Variants in CTTNBP2 observed in about 807,000 individuals in gnomAD.
CTTNBP2 encodes cortactin binding protein 2.
CTTNBP2 carries 108 observed loss-of-function variants against 156.9 expected under a neutral mutation model. The ratio of observed to expected loss-of-function variants is 0.69; its 90% CI spans 0.59 to 0.81. CTTNBP2 has a LOEUF of 0.81. CTTNBP2 is among the 30% of genes least tolerant of loss of function. CTTNBP2 has a pLI of 0.00. For synonymous variants in CTTNBP2, 767 were observed against 751.8 expected, an observed-to-expected ratio of 1.02 and a Z score of -0.33; for missense variants, 1,924 against 2,035.4, an observed-to-expected ratio of 0.95 and a Z score of 1.05.
chr7:117,797,815 T>C (rs1045106975), intron 3 of CTTNBP2, among the ~76,000 whole-genome samples: 1 of 152,078 alleles, frequency 6.6e-6, no homozygotes, highest in South Asian at 2.1e-4. Context: ...TCTAGGGCAA[T>C]ACAAACTGGT....
At position 117,817,377 on chromosome 7, in the gene CTTNBP2, T is replaced by A. The variant is rs1312573302; in HGVS notation, c.190-6388A>T. On this transcript the variant is annotated intron_variant, in intron 2 of 22. Transcript: ENST00000160373. ...AAAAAAAAAAATATATATATATATA[T>A]ATATATATATAATTTCATCAGAATG... Among the ~76,000 whole-genome samples, 75 of 118,052 alleles carry A rather than the reference T, an allele frequency of 6.4e-4. 5 individuals are homozygous for A. Among genetic ancestry groups the A allele is most frequent in the African/African-American group, 2.1e-3 (71 of 33,536 alleles). 77.4% of individuals were successfully genotyped at this position (118,052 alleles called of 152,430 possible).
At chr7:117,732,827 A>G (rs1479121513) in intron 16 of CTTNBP2, among the ~76,000 whole-genome samples, 2 of 152,132 alleles carry the variant, frequency 1.3e-5, no homozygotes, top group Non-Finnish European at 2.9e-5. Flanking sequence ...AAACAAAAAA[A>G]TGATTCTGTG....
chr7:117,772,057 G>T (rs927763583), intron 8 of CTTNBP2, among the ~76,000 whole-genome samples: 6 of 152,208 alleles, frequency 3.9e-5, no homozygotes, highest in African/African-American at 1.4e-4. Flanking sequence ...ACCAAGGCCA[G>T]ATCAGGAAGG....
In CTTNBP2 at chr7:117,767,092, T is replaced by G; in HGVS notation, c.2863A>C (p.Thr955Pro). ...TCCAGCAAATGCTTGCAGTCATCAG[T>G]GGCAACATCATGCACAGTCCGATTG... is the stretch of plus-strand genomic sequence containing the variant. ...KCNRTVHDVA[T>P]DDCKHLLENL... The change falls in exon 9 of 23, where the codon ACT (threonine) becomes CCT (proline). Residue 955 changes from threonine (T) to proline (P), a missense_variant. By Grantham distance (38) the Thr-to-Pro change is conservative. Transcript: ENST00000160373. The G allele has an allele frequency of 6.2e-7, 1 of 1,608,726 alleles. No homozygotes were observed. Among genetic ancestry groups the G allele is most frequent in the Middle Eastern group, 1.7e-4 (1 of 6,048 alleles).
intron 16 of CTTNBP2, among the ~76,000 whole-genome samples, chr7:117,729,045 G>A (rs1795260062): frequency 6.6e-6 from 1 of 152,202 alleles, no homozygotes; most frequent in Non-Finnish European, 1.5e-5. Context: ...ACATGTAGAG[G>A]AAGGGAGAAG....
chr7:117,809,862 C>T (rs1187337378), intron 3 of CTTNBP2, among the ~76,000 whole-genome samples: 2 of 152,084 alleles, frequency 1.3e-5, no homozygotes, highest in African/African-American at 2.4e-5. Context: ...ATAAAAGAAA[C>T]ATTTTAATTT....
intron 3 of CTTNBP2, among the ~76,000 whole-genome samples, chr7:117,807,736 T>A (rs747893334): frequency 1.3e-5 from 2 of 152,130 alleles, no homozygotes; most frequent in Non-Finnish European, 2.9e-5. Flanking sequence ...CTGTCTGGCA[T>A]CAACAGGGTG....
chr7:117,742,257 T>C (rs1796059879), intron 14 of CTTNBP2, among the ~76,000 whole-genome samples: 1 of 152,188 alleles, frequency 6.6e-6, no homozygotes, highest in Non-Finnish European at 1.5e-5. Context: ...ATGGTGTCTG[T>C]GGGATGAGAG....
intron 9 of CTTNBP2, among the ~76,000 whole-genome samples, chr7:117,764,288 C>T (rs193082674): frequency 1.6e-4 from 25 of 152,278 alleles, no homozygotes; most frequent in Non-Finnish European, 3.4e-4. Context: ...CTTTTATGAC[C>T]TGACTCTAGA....
intron 16 of CTTNBP2, among the ~76,000 whole-genome samples, chr7:117,733,598 A>G (rs112666167): frequency 2.0e-5 from 3 of 152,182 alleles, no homozygotes; most frequent in Admixed American, 2.0e-4. Flanking sequence ...TCTTGTTGAG[A>G]TCATACAGTG....
At chr7:117,780,670 A>G in intron 6 of CTTNBP2, 79 bp from the exon 7 acceptor site, 1 of 794,008 alleles carries the variant, frequency 1.3e-6, no homozygotes, top group South Asian at 2.9e-5. Flanking sequence ...TATTAAATAC[A>G]GAAAAGAAAG....
chr7:117,785,620 A>G (rs1292125776), intron 4 of CTTNBP2, among the ~76,000 whole-genome samples: 1 of 152,184 alleles, frequency 6.6e-6, no homozygotes, highest in Non-Finnish European at 1.5e-5. Flanking sequence ...CTGAATTTCT[A>G]TATGCACAAT....
chr7:117,870,114 T>C (rs1323887188), intron 1 of CTTNBP2, among the ~76,000 whole-genome samples: 1 of 152,208 alleles, frequency 6.6e-6, no homozygotes, highest in Non-Finnish European at 1.5e-5. Flanking sequence ...CTCTCCAAAC[T>C]TCTAATGCAA....
At chr7:117,754,485 C>T (rs1223223217) in intron 12 of CTTNBP2, among the ~76,000 whole-genome samples, 1 of 152,182 alleles carries the variant, frequency 6.6e-6, no homozygotes, top group Non-Finnish European at 1.5e-5. Flanking sequence ...TAAAACACCA[C>T]CTGCATTTAA....
At chr7:117,739,040 A>T (rs1795855219) in intron 14 of CTTNBP2, among the ~76,000 whole-genome samples, 2 of 152,156 alleles carry the variant, frequency 1.3e-5, no homozygotes, top group African/African-American at 2.4e-5. Context: ...GTCAAACAGC[A>T]CAGCTTTCTT....
chr7:117,871,843 T>TTCAC, intron 1 of CTTNBP2: 6 of 303,208 alleles, frequency 2.0e-5, no homozygotes, highest in Non-Finnish European at 2.2e-5. Flanking sequence ...GTCCTTCCCC[T>TTCAC]TCACACACAC....
intron 3 of CTTNBP2, among the ~76,000 whole-genome samples, chr7:117,793,109 A>T (rs1799126789): frequency 6.6e-6 from 1 of 152,202 alleles, no homozygotes; most frequent in Non-Finnish European, 1.5e-5. Context: ...TTTTGTAAAA[A>T]CACAGCTCTG....
rs184154069 is a variant in CTTNBP2, at chr7:117,726,390, T to C, written c.4056-1133A>G. On this transcript the variant is annotated intron_variant, in intron 17 of 22. Transcript: ENST00000160373. ...ATCGGGGGAAAAATAAAAGTACGAA[T>C]GGGAACACAGACAAAATTCTGGTAT... Among the ~76,000 whole-genome samples the C allele has an allele frequency of 5.9e-5, 9 of 152,236 alleles. No homozygotes were observed. The East Asian group carries it at 1.7e-3, about 29-fold the overall frequency.
chr7:117,825,540 T>C (rs779746238), intron 2 of CTTNBP2, among the ~76,000 whole-genome samples: 16 of 152,224 alleles, frequency 1.1e-4, no homozygotes, highest in Admixed American at 3.9e-4. Flanking sequence ...CCTGGTTATA[T>C]AGACATTAAA....
Sources: allele counts gnomAD v4.1 joint callset (sites outside exome capture counted in the v4.1 genomes callset), GRCh38; gene constraint gnomAD v4.1.1; transcripts MANE v1.5; gene names NCBI Gene and HGNC (gene_info 2026-07-23, HGNC 2026-07-21).